The following NEK5 variants were observed in gnomAD, a reference collection of about 807,000 sequenced individuals.
NEK5 encodes the protein NIMA related kinase 5, also known as serine/threonine-protein kinase Nek5.
Under a neutral mutation model 109.2 loss-of-function variants are expected in NEK5, and 88 were observed. The observed-to-expected ratio is 0.81, with a 90% CI of 0.68 to 0.96. The LOEUF (loss-of-function observed/expected upper bound fraction) is 0.96. NEK5 is among the 40% of genes least tolerant of loss of function. The pLI, the probability that NEK5 is intolerant of heterozygous loss-of-function variation, is 0.00. For synonymous variants in NEK5, 283 were observed against 299.9 expected (o/e 0.94, Z 0.58); for missense variants, 834 against 920.7 (o/e 0.91, Z 1.22).
At chr13:52,124,222 G>A (rs925108658) in intron 3 of NEK5, among the ~76,000 whole-genome samples, 1 of 152,114 alleles carries the variant, frequency 6.6e-6, no homozygotes, top group Non-Finnish European at 1.5e-5. Flanking sequence ...CTTGTTCAAG[G>A]TTACAGTGAG....
intron 5 of NEK5, 25 bp from the exon 6 acceptor site, chr13:52,110,602 C>T: frequency 6.9e-7 from 1 of 1,441,662 alleles, no homozygotes; most frequent in South Asian, 1.2e-5. Context: ...CAAAACAAAG[C>T]CACTGAATAG....
At position 52,127,600 on chromosome 13, in the gene NEK5, T is replaced by C. The variant is rs56390207; in HGVS notation, c.-28A>G. On this transcript the variant is annotated 5_prime_UTR_variant, in exon 2 of 24. Transcript: ENST00000684899. ...TAAAGTGTAAAAGAACTCACTTAGC[T>C]AAAACTTTCCTCCCAGCCTTGCCAA... is the stretch of plus-strand genomic sequence containing the variant. 1.2e-5 allele frequency: 8 copies of C among 666,254 alleles called. No individual in the cohort carries two copies. In the East Asian group the frequency reaches 2.1e-4, roughly 17 times the overall value. The allele number at this position is 666,254 out of a possible 1,614,324, so 41.3% of individuals were successfully genotyped here.
chr13:52,110,467 G>T lies in NEK5; in HGVS notation c.396+27C>A, dbSNP rs777424456. The T allele has an allele frequency of 2.8e-5, 44 of 1,593,850 alleles. No homozygotes were observed. The Admixed American group carries it at 7.3e-4, about 27-fold the overall frequency. On this transcript the variant is annotated intron_variant, in intron 6 of 23. Coordinates refer to ENST00000684899, the MANE Select transcript of NEK5 (RefSeq NM_001365552.1). ...GGTACTTCAAGAAAAGATCAGTTCT[G>T]TCTTAGTCTTCTCTCTGAGCTGTTA...
At chr13:52,109,099 C>T (rs1000267439) in intron 7 of NEK5, among the ~76,000 whole-genome samples, 1 of 152,136 alleles carries the variant, frequency 6.6e-6, no homozygotes, top group African/African-American at 2.4e-5. Context: ...TACATATTGC[C>T]ACCAAATTGT....
At chr13:52,066,521 C>T (rs547235708) in intron 20 of NEK5, among the ~76,000 whole-genome samples, 1 of 151,802 alleles carries the variant, frequency 6.6e-6, no homozygotes, top group African/African-American at 2.4e-5. Flanking sequence ...AAAAAATTAA[C>T]TCGGCCGGGT....
chr13:52,126,147 G>A (rs1478544643), intron 3 of NEK5, among the ~76,000 whole-genome samples: 1 of 152,154 alleles, frequency 6.6e-6, no homozygotes, highest in Non-Finnish European at 1.5e-5. Flanking sequence ...TCTAGAAGCT[G>A]ACCAACAAGA....
Position 52,061,889 on chromosome 13 carries a change from T to C in NEK5, c.2040A>G (p.Pro680=). 6.1e-6 allele frequency: 6 copies of C among 984,808 alleles called. No homozygotes were observed. The highest frequency in any genetic ancestry group is 7.2e-6 in the Non-Finnish European group (6 of 828,944). The allele number at this position is 984,808 out of a possible 1,614,324, so 61.0% of individuals were successfully genotyped here. ...CTGCCAAAACACTCATTAAAGTTCC[T>C]GGAGCTTCATGCCGCCACTGTTTCC... ...GNRKQWRHEA[P]GTLMSVLAAA... Residue 680 remains proline, a synonymous_variant, in exon 22 of 24, where the codon CCA becomes CCG. Transcript: ENST00000684899.
chr13:52,080,952 A>G (rs948543409), intron 17 of NEK5, among the ~76,000 whole-genome samples: 1 of 147,712 alleles, frequency 6.8e-6, no homozygotes, highest in Non-Finnish European at 1.5e-5. Flanking sequence ...TACCACAGTG[A>G]AAAAAATCAC....
At chr13:52,104,336 G>T (rs1237792722) in intron 9 of NEK5, among the ~76,000 whole-genome samples, 162 bp downstream of exon 9, 1 of 152,110 alleles carries the variant, frequency 6.6e-6, no homozygotes, top group Non-Finnish European at 1.5e-5. Flanking sequence ...TTATAATATT[G>T]CTTGGACAGC....
intron 17 of NEK5, among the ~76,000 whole-genome samples, chr13:52,081,337 G>A (rs991273588): frequency 6.6e-6 from 1 of 152,114 alleles, no homozygotes; most frequent in African/African-American, 2.4e-5. Flanking sequence ...TTGCTCTGGA[G>A]GAGCCTTCAG....
chr13:52,079,868 C>T (rs1382344393), intron 17 of NEK5, among the ~76,000 whole-genome samples: 4 of 151,962 alleles, frequency 2.6e-5, no homozygotes, highest in East Asian at 1.9e-4. Flanking sequence ...CGTCTCTGCC[C>T]GGCCGCCCAT....
intron 23 of NEK5, among the ~76,000 whole-genome samples, chr13:52,039,524 T>A (rs1416057422): frequency 6.6e-6 from 1 of 152,214 alleles, no homozygotes; most frequent in East Asian, 1.9e-4. Context: ...AATTGTTTTA[T>A]TTCCCAGATA....
chr13:52,063,653 G>A (rs1290113468), intron 21 of NEK5, among the ~76,000 whole-genome samples: 8 of 148,202 alleles, frequency 5.4e-5, no homozygotes, highest in South Asian at 4.3e-4. Context: ...GCCACCCATC[G>A]TCTGAGATGT....
At chr13:52,074,520 A>G (rs913040250) in intron 19 of NEK5, among the ~76,000 whole-genome samples, 2 of 152,170 alleles carry the variant, frequency 1.3e-5, no homozygotes, top group African/African-American at 2.4e-5. Flanking sequence ...ACCTTAAACT[A>G]TAAGAATCCT....
intron 3 of NEK5, among the ~76,000 whole-genome samples, chr13:52,125,345 C>A (rs891824119): frequency 7.2e-5 from 11 of 152,264 alleles, no homozygotes; most frequent in Admixed American, 2.0e-4. Flanking sequence ...GGGTGGATCA[C>A]GAAGTCAGGA....
chr13:52,062,524 A>G (rs1954622267), intron 21 of NEK5, among the ~76,000 whole-genome samples: 1 of 151,340 alleles, frequency 6.6e-6, no homozygotes, highest in East Asian at 1.9e-4. Context: ...AGGTTCAAGC[A>G]ATTCTCCTGC....
At position 52,080,422 on chromosome 13, in the gene NEK5, T is replaced by G. The variant is rs1203571913; in HGVS notation, c.1572+2838A>C. On this transcript the variant is annotated intron_variant, in intron 17 of 23. Coordinates refer to ENST00000684899, the MANE Select transcript of NEK5 (RefSeq NM_001365552.1). The stretch of plus-strand genomic sequence containing the variant: ...ACAGCTCATTGAGAACGGGCCATGA[T>G]GACAATGGCGGTTTTGTGGAATAGA... Among the ~76,000 whole-genome samples the G allele has an allele frequency of 2.6e-5, 4 of 151,984 alleles. No individual in the cohort carries two copies. The South Asian group carries it at 8.3e-4, about 32-fold the overall frequency.
At chr13:52,086,446 A>G (rs565058755) in intron 15 of NEK5, 83 bp from the exon 16 acceptor site, 1 of 849,482 alleles carries the variant, frequency 1.2e-6, no homozygotes, top group Non-Finnish European at 2.0e-6. Context: ...TACAATTTCA[A>G]AAGTGTGTAA....
At chr13:52,045,130 CTT>C (rs374051509) in intron 23 of NEK5, among the ~76,000 whole-genome samples, 9 of 108,714 alleles carry the variant, frequency 8.3e-5, no homozygotes, top group African/African-American at 1.4e-4. Context: ...AATAAAAAAT[CTT>C]TTTTTTTTTT....
Sources: gnomAD v4.1 joint callset for allele counts (sites outside exome capture counted in the v4.1 genomes callset) on GRCh38, gnomAD v4.1.1 for gene constraint, MANE v1.5 for transcripts, NCBI Gene and HGNC (gene_info 2026-07-23, HGNC 2026-07-21) for gene names.